Variants in MARCHF3 observed in about 807,000 individuals in gnomAD.
MARCHF3 encodes the protein membrane associated ring-CH-type finger 3.
A neutral mutation model predicts 24.2 loss-of-function variants in MARCHF3; 13 were observed. The observed-to-expected ratio is 0.54, with a 90% CI of 0.35 to 0.85. The LOEUF is 0.85. MARCHF3 is among the 40% of genes least tolerant of loss of function. MARCHF3 has a pLI of 0.01. For missense variants in MARCHF3, 276 were observed against 325.0 expected, an observed-to-expected ratio of 0.85 and a Z score of 1.16; for synonymous variants, 144 against 137.3, an observed-to-expected ratio of 1.05 and a Z score of -0.34.
At chr5:126,983,067 A>C (rs1358885138) in intron 1 of MARCHF3, among the ~76,000 whole-genome samples, 1 of 152,148 alleles carries the variant, frequency 6.6e-6, no homozygotes, top group Non-Finnish European at 1.5e-5. Flanking sequence ...AGTAGGGAGT[A>C]TGGGGTCAGC....
chr5:127,005,275 A>G (rs748301333), intron 1 of MARCHF3, among the ~76,000 whole-genome samples: 3 of 151,538 alleles, frequency 2.0e-5, no homozygotes, highest in Non-Finnish European at 2.9e-5. Flanking sequence ...AGGTGGGATT[A>G]CAGGCACCCA....
intron 1 of MARCHF3, among the ~76,000 whole-genome samples, chr5:127,000,512 C>A (rs1327542789): frequency 6.6e-6 from 1 of 152,024 alleles, no homozygotes; most frequent in Non-Finnish European, 1.5e-5. Flanking sequence ...CAAGTGGGAC[C>A]AGGGAGAACC....
chr5:126,873,709 C>T (rs1011523519), intron 4 of MARCHF3, among the ~76,000 whole-genome samples: 1 of 152,262 alleles, frequency 6.6e-6, no homozygotes, highest in African/African-American at 2.4e-5. Flanking sequence ...CTTGTGTAGA[C>T]AAACAGATGA....
At chr5:126,882,460 T>C (rs1354096246) in intron 3 of MARCHF3, among the ~76,000 whole-genome samples, 1 of 152,210 alleles carries the variant, frequency 6.6e-6, no homozygotes, top group Non-Finnish European at 1.5e-5. Flanking sequence ...TTATCATGCA[T>C]TGTGACCTAA....
chr5:126,916,692 G>GACAGAC (rs750408549), intron 2 of MARCHF3, among the ~76,000 whole-genome samples: 13 of 130,558 alleles, frequency 1.0e-4, no homozygotes, highest in East Asian at 2.4e-4. Context: ...CAGACAGACA[G>GACAGAC]ACACACACAC....
intron 4 of MARCHF3, among the ~76,000 whole-genome samples, chr5:126,872,451 C>T (rs565826856): frequency 2.6e-5 from 4 of 152,166 alleles, no homozygotes; most frequent in South Asian, 2.1e-4. Context: ...ATTGATGGAC[C>T]GTCCAAGAAA....
intron 3 of MARCHF3, among the ~76,000 whole-genome samples, chr5:126,896,055 G>C (rs1753892457): frequency 6.6e-6 from 1 of 152,142 alleles, no homozygotes; most frequent in African/African-American, 2.4e-5. Context: ...GTATTCCGGT[G>C]GGAGTGACCC....
At chr5:126,885,683 C>T (rs1056526936) in intron 3 of MARCHF3, among the ~76,000 whole-genome samples, 1 of 152,172 alleles carries the variant, frequency 6.6e-6, no homozygotes, top group Non-Finnish European at 1.5e-5. Flanking sequence ...ATTAGTTAGA[C>T]TAGTTAAACT....
intron 3 of MARCHF3, among the ~76,000 whole-genome samples, chr5:126,908,546 C>T (rs1011821293): frequency 3.3e-5 from 5 of 152,078 alleles, no homozygotes; most frequent in African/African-American, 4.8e-5. Flanking sequence ...CTCTAAACTT[C>T]CCTTCTTGCT....
At chr5:126,967,473 A>C (rs1750857511) in intron 1 of MARCHF3, among the ~76,000 whole-genome samples, 1 of 152,134 alleles carries the variant, frequency 6.6e-6, no homozygotes, top group African/African-American at 2.4e-5. Context: ...CAGGCGGATC[A>C]CCTGAGGTCA....
intron 3 of MARCHF3, among the ~76,000 whole-genome samples, chr5:126,885,892 A>G (rs1753495852): frequency 6.6e-6 from 1 of 152,044 alleles, no homozygotes; most frequent in Admixed American, 6.6e-5. Context: ...AGATGTAAGT[A>G]ACCATGGAAC....
chr5:126,995,605 G>A (rs12654717), intron 1 of MARCHF3, among the ~76,000 whole-genome samples: 7,846 of 152,110 alleles, frequency 0.052, 374 homozygotes, highest in South Asian at 0.14. Context: ...CTTATTTTTG[G>A]CTGAACAATA....
intron 3 of MARCHF3, among the ~76,000 whole-genome samples, chr5:126,881,099 T>C (rs1216731717): frequency 2.0e-5 from 3 of 152,170 alleles, no homozygotes; most frequent in Admixed American, 6.5e-5. Context: ...GAGATTATGA[T>C]TGCTTGTTTC....
chr5:126,947,761 T>C (rs535781057), intron 1 of MARCHF3, among the ~76,000 whole-genome samples: 4 of 151,992 alleles, frequency 2.6e-5, no homozygotes, highest in South Asian at 4.2e-4. Flanking sequence ...TAGAAAAATA[T>C]CTCCTCCCCT....
chr5:126,995,940 T>C (rs1751935160), intron 1 of MARCHF3, among the ~76,000 whole-genome samples: 1 of 152,072 alleles, frequency 6.6e-6, no homozygotes, highest in African/African-American at 2.4e-5. Context: ...GGAGAGGAAA[T>C]TGGAACAATC....
chr5:126,922,633 G>A lies in MARCHF3; in HGVS notation c.-56-4406C>T, dbSNP rs192382337. Reference sequence around the variant, plus strand: ...GTGATCTCCGCTCACTGCAAGCTCCGCCTCCTGGGTTCATGCCATTCTCCT... The same window carrying A: ...GTGATCTCCGCTCACTGCAAGCTCCACCTCCTGGGTTCATGCCATTCTCCT... On this transcript the variant is annotated intron_variant, in intron 1 of 4. Coordinates refer to ENST00000308660, the MANE Select transcript of MARCHF3 (RefSeq NM_178450.5). Among the ~76,000 whole-genome samples the A allele has an allele frequency of 8.4e-3, 1,281 of 151,908 alleles. 19 individuals are homozygous for A. The highest frequency in any genetic ancestry group is 0.028 in the East Asian group (146 of 5,160).
At chr5:126,890,973 C>A (rs1471163044) in intron 3 of MARCHF3, among the ~76,000 whole-genome samples, 43 of 147,508 alleles carry the variant, frequency 2.9e-4, no homozygotes, top group African/African-American at 5.2e-4. Flanking sequence ...TTTTAATGAT[C>A]GCCATTCTAA....
At chr5:126,937,557 G>A (rs914951837) in intron 1 of MARCHF3, among the ~76,000 whole-genome samples, 3 of 152,066 alleles carry the variant, frequency 2.0e-5, no homozygotes, top group African/African-American at 7.2e-5. Flanking sequence ...AGAATTGGTG[G>A]GTGTAGTCAC....
intron 1 of MARCHF3, among the ~76,000 whole-genome samples, chr5:127,011,446 G>C (rs946023937): frequency 2.0e-5 from 3 of 152,114 alleles, no homozygotes; most frequent in Non-Finnish European, 4.4e-5. Flanking sequence ...ATCTTGGTCT[G>C]AGCCCAAAAA....
Sources: gnomAD v4.1 joint callset for allele counts (sites outside exome capture counted in the v4.1 genomes callset) on GRCh38, gnomAD v4.1.1 for gene constraint, MANE v1.5 for transcripts, NCBI Gene and HGNC (gene_info 2026-07-23, HGNC 2026-07-21) for gene names.